Variants in MVK observed in about 807,000 individuals in gnomAD.
MVK encodes the protein mevalonate kinase, also known as LH receptor mRNA-binding protein.
Under a neutral mutation model 43.2 loss-of-function variants are expected in MVK, and 34 were observed. The observed-to-expected ratio is 0.79, with a 90% CI of 0.60 to 1.05. The LOEUF (loss-of-function observed/expected upper bound fraction) is 1.05. Ranked by LOEUF, MVK falls within the 50% of genes least tolerant of loss-of-function variation. The pLI, the probability that MVK is intolerant of heterozygous loss-of-function variation, is 0.00. For synonymous variants in MVK, 190 were observed against 219.8 expected (o/e 0.86, Z 1.20); for missense variants, 395 against 504.0 (o/e 0.78, Z 2.07).
intron 6 of MVK, 56 bp from the exon 7 acceptor site, chr12:109,586,698 T>C: frequency 1.3e-6 from 2 of 1,598,876 alleles, no homozygotes; most frequent in Non-Finnish European, 1.7e-6. Flanking sequence ...CTCTCCCAAG[T>C]AGCACAGATA....
intron 9 of MVK, among the ~76,000 whole-genome samples, chr12:109,594,726 C>G (rs566883410): frequency 2.6e-5 from 4 of 152,208 alleles, no homozygotes; most frequent in Non-Finnish European, 5.9e-5. Context: ...CTGTGATTGG[C>G]CCAGCTTGGA....
intron 8 of MVK, among the ~76,000 whole-genome samples, 182 bp from the exon 9 acceptor site, chr12:109,591,059 C>T (rs996312098): frequency 1.3e-5 from 2 of 152,108 alleles, no homozygotes; most frequent in Non-Finnish European, 2.9e-5. Flanking sequence ...TGGTCGGGCT[C>T]GTTAGACACA....
intron 3 of MVK, 55 bp downstream of exon 3, chr12:109,576,200 G>C: frequency 2.5e-6 from 4 of 1,610,458 alleles, no homozygotes; most frequent in Non-Finnish European, 3.4e-6. Flanking sequence ...GAGGGCAGCT[G>C]GCCAGGTATT....
chr12:109,591,925 C>T (rs967508858), intron 9 of MVK, among the ~76,000 whole-genome samples: 7 of 152,268 alleles, frequency 4.6e-5, no homozygotes, highest in African/African-American at 9.6e-5. Flanking sequence ...TTCTGCTGGA[C>T]GTGTGGCCTC....
chr12:109,575,042 A>G, intron 2 of MVK, 142 bp downstream of exon 2: 2 of 814,066 alleles, frequency 2.5e-6, no homozygotes, highest in Non-Finnish European at 4.1e-6. Context: ...CAAGGAAAAG[A>G]TTTCTTATGC....
Position 109,586,018 on chromosome 12 carries a change from T to A in MVK, c.528-4T>A. The stretch of plus-strand genomic sequence containing the variant: ...ACAGTAAAGATGAACATCTGTGTCT[T>A]CAGGTGGACCAAGGAGGATTTGGAG... On this transcript the variant is annotated splice_region_variant and splice_polypyrimidine_tract_variant and intron_variant, in intron 5 of 10. Transcript: ENST00000228510. The A allele has an allele frequency of 6.2e-7, 1 of 1,612,512 alleles. No homozygotes were observed. The highest frequency in any genetic ancestry group is 1.3e-5 in the African/African-American group (1 of 75,002).
intron 5 of MVK, among the ~76,000 whole-genome samples, chr12:109,585,528 T>C (rs2136235783): frequency 6.6e-6 from 1 of 152,290 alleles, no homozygotes; most frequent in South Asian, 2.1e-4. Flanking sequence ...GGCTCATGCC[T>C]GTAATCCCAG....
intron 3 of MVK, among the ~76,000 whole-genome samples, chr12:109,577,479 C>T (rs948517551): frequency 6.6e-6 from 1 of 152,172 alleles, no homozygotes; most frequent in African/African-American, 2.4e-5. Context: ...GTTGAAAATT[C>T]TCATTTCACT....
chr12:109,577,366 TTGGGTTTTTTC>T (rs1885003726), intron 3 of MVK, among the ~76,000 whole-genome samples: 1 of 152,208 alleles, frequency 6.6e-6, no homozygotes, highest in African/African-American at 2.4e-5. Flanking sequence ...GAGAATCTTT[TTGGGTTTTTTC>T]CTTACACTGC....
intron 2 of MVK, among the ~76,000 whole-genome samples, chr12:109,575,707 G>C (rs1012411314): frequency 2.0e-5 from 3 of 152,128 alleles, no homozygotes; most frequent in Non-Finnish European, 2.9e-5. Flanking sequence ...TATTCTTTAT[G>C]TTCTTATATT....
At chr12:109,591,588 G>C (rs913769428) in intron 9 of MVK, among the ~76,000 whole-genome samples, 1 of 152,248 alleles carries the variant, frequency 6.6e-6, no homozygotes, top group African/African-American at 2.4e-5. Context: ...GTGCAAGGGA[G>C]GCCAGGGCCT....
At chr12:109,578,880 G>A (rs1885076921) in intron 3 of MVK, among the ~76,000 whole-genome samples, 1 of 152,220 alleles carries the variant, frequency 6.6e-6, no homozygotes, top group Non-Finnish European at 1.5e-5. Flanking sequence ...TGTCTCAGAG[G>A]AAAGTGGCCC....
Position 109,576,070 on chromosome 12 carries a change from C to T in MVK, c.151C>T (p.Leu51Phe), listed in dbSNP as rs892779197. 5.0e-6 allele frequency: 8 copies of T among 1,614,048 alleles called. No individual in the cohort carries two copies. In the Admixed American group the frequency reaches 5.0e-5, roughly 10 times the overall value. ...LQPHSNGKVD[L>F]SLPNIGIKRA... ...ACCCCACAGCAATGGGAAAGTGGAC[C>T]TCAGCTTACCCAACATTGGTATCAA... The change falls in exon 3 of 11, where the codon CTC (leucine) becomes TTC (phenylalanine). Residue 51 changes from leucine to phenylalanine, a missense_variant. Leu to Phe is a conservative substitution (Grantham distance 22, BLOSUM62 0). Transcript: ENST00000228510.
At chr12:109,588,933 G>A (rs947322648) in intron 7 of MVK, 7 of 152,428 alleles carry the variant, frequency 4.6e-5, no homozygotes, top group South Asian at 2.1e-4. Context: ...ATGGGGGTTC[G>A]GGGGCTGCTG....
At chr12:109,590,971 G>C in intron 8 of MVK, 110 bp downstream of exon 8, 3 of 1,208,680 alleles carry the variant, frequency 2.5e-6, no homozygotes, top group Non-Finnish European at 3.6e-6. Flanking sequence ...GTGGTGGGTG[G>C]TGGGGGCCCT....
chr12:109,573,733 G>C (rs1033542912), upstream of MVK: 2 of 560,924 alleles, frequency 3.6e-6, no homozygotes, highest in African/African-American at 1.9e-5. Flanking sequence ...AGGTACTCCG[G>C]GCTCGCGCGC....
upstream of MVK, chr12:109,573,731 CG>C (rs1884771987): frequency 2.3e-5 from 13 of 560,550 alleles, no homozygotes; most frequent in Admixed American, 3.0e-4. Flanking sequence ...AAAGGTACTC[CG>C]GGCTCGCGCG....
chr12:109,589,627 T>C (rs1328795869), intron 7 of MVK: 1 of 151,374 alleles, frequency 6.6e-6, no homozygotes, highest in Non-Finnish European at 1.5e-5. Flanking sequence ...TGAGAATCGA[T>C]ATTAATTTCA....
chr12:109,590,644 A>C, intron 7 of MVK, 127 bp from the exon 8 acceptor site: 1 of 809,840 alleles, frequency 1.2e-6, no homozygotes, highest in South Asian at 1.4e-5. Flanking sequence ...CCCCCAATCC[A>C]GTGTCACCTC....
Sources: allele counts gnomAD v4.1 joint callset (sites outside exome capture counted in the v4.1 genomes callset), GRCh38; gene constraint gnomAD v4.1.1; transcripts MANE v1.5; gene names NCBI Gene and HGNC (gene_info 2026-07-23, HGNC 2026-07-21).